The following SQOR variants were observed in gnomAD, a reference collection of about 807,000 sequenced individuals.
SQOR encodes sulfide quinone oxidoreductase.
A neutral mutation model predicts 48.6 loss-of-function variants in SQOR; 39 were observed. The ratio of observed to expected loss-of-function variants is 0.80; its 90% confidence interval spans 0.62 to 1.05. The LOEUF is 1.05. SQOR is among the 50% of genes least tolerant of loss of function. The probability of loss-of-function intolerance (pLI) is 0.00; values close to 1 mark genes in which losing one functional copy is unlikely to be tolerated. For synonymous variants in SQOR, 220 were observed against 206.2 expected (o/e 1.07, Z -0.57); for missense variants, 561 against 559.9 (o/e 1.00, Z -0.02).
intron 1 of SQOR, among the ~76,000 whole-genome samples, chr15:45,651,406 G>GC (rs926459719): frequency 6.6e-6 from 1 of 152,214 alleles, no homozygotes; most frequent in African/African-American, 2.4e-5. Flanking sequence ...CTCCCTGCAA[G>GC]CAGAGGGAGC....
intron 3 of SQOR, among the ~76,000 whole-genome samples, chr15:45,665,523 CA>C (rs981515922): frequency 2.4e-4 from 26 of 107,256 alleles, no homozygotes; most frequent in African/African-American, 6.8e-4. Flanking sequence ...TTAGATTGCA[CA>C]AAATTAGTCA....
At chr15:45,632,955 A>AT (rs1473098510), upstream of SQOR, among the ~76,000 whole-genome samples, 1 of 151,072 alleles carries the variant, frequency 6.6e-6, no homozygotes, top group African/African-American at 2.4e-5. Context: ...AAAAAAAAAT[A>AT]AATAAATTTA....
intron 1 of SQOR, among the ~76,000 whole-genome samples, chr15:45,653,354 TC>T (rs1566916489): frequency 6.6e-6 from 1 of 152,108 alleles, no homozygotes; most frequent in Admixed American, 6.5e-5. Context: ...GGTTCTATAA[TC>T]AGCTAGAACT....
At chr15:45,664,682 G>A (rs1473373212) in intron 3 of SQOR, among the ~76,000 whole-genome samples, 1 of 152,094 alleles carries the variant, frequency 6.6e-6, no homozygotes, top group Non-Finnish European at 1.5e-5. Flanking sequence ...GATTCATGCT[G>A]GGCTTGAGGT....
intron 3 of SQOR, among the ~76,000 whole-genome samples, chr15:45,663,322 G>A (rs936516051): frequency 6.6e-6 from 1 of 152,098 alleles, no homozygotes; most frequent in Non-Finnish European, 1.5e-5. Context: ...CCGGCCTGCT[G>A]AGGCATTGTT....
chr15:45,661,610 T>C lies in SQOR; in HGVS notation c.235-345T>C, dbSNP rs938729689. Among the ~76,000 whole-genome samples the C allele has an allele frequency of 3.9e-5, 6 of 152,324 alleles. No individual in the cohort carries two copies. The East Asian group carries it at 1.2e-3, about 29-fold the overall frequency. On this transcript the variant is annotated intron_variant, in intron 2 of 9. Coordinates refer to ENST00000260324, the MANE Select transcript of SQOR (RefSeq NM_021199.4). ...CTGGGCTTAATTTTTAAAATATTTG[T>C]TCACATGAAGTATCCATAATATGTG...
At chr15:45,665,506 A>G (rs546595117) in intron 3 of SQOR, among the ~76,000 whole-genome samples, 1 of 149,090 alleles carries the variant, frequency 6.7e-6, no homozygotes, top group African/African-American at 2.4e-5. Flanking sequence ...GTCACTAGAG[A>G]GCTTTTTTAG....
At chr15:45,676,039 TA>T (rs199639985) in intron 5 of SQOR, 61 bp from the exon 6 acceptor site, 108,863 of 1,124,680 alleles carry the variant, frequency 0.097, no homozygotes, top group Non-Finnish European at 0.1. Context: ...TTGTCTGGAT[TA>T]AAAAAAAAAA....
chr15:45,688,942 A>G, intron 8 of SQOR, 97 bp from the exon 9 acceptor site: 3 of 996,116 alleles, frequency 3.0e-6, no homozygotes, highest in Non-Finnish European at 4.3e-6. Context: ...AAAAGAAAAA[A>G]TATATAAGCA....
Position 45,673,475 on chromosome 15 carries a change from C to T in SQOR, c.460-132C>T. ...CTTAGAACCCTCACCCACCTGCCTG[C>T]TCTAGGCATGTGGGTATTGGAGGGT... On this transcript the variant is annotated intron_variant, in intron 4 of 9. Transcript: ENST00000260324. The T allele has an allele frequency of 1.9e-5, 19 of 984,962 alleles. No individual in the cohort carries two copies. The South Asian group carries it at 2.9e-4, about 15-fold the overall frequency. The allele number at this position is 984,962 out of a possible 1,614,324, so 61.0% of individuals were successfully genotyped here.
chr15:45,681,621 C>T lies in SQOR; in HGVS notation c.865-857C>T, dbSNP rs371381447. 2.0e-5 allele frequency among the ~76,000 whole-genome samples: 3 copies of T among 152,234 alleles called. No individual in the cohort carries two copies. In the South Asian group the frequency reaches 6.2e-4, roughly 32 times the overall value. On this transcript the variant is annotated intron_variant, in intron 6 of 9. Transcript: ENST00000260324. ...TTTTACCCTAATGACATGTCGTGAA[C>T]ATTTCAATCAATGTGTCCTTAACTG...
At chr15:45,673,875 T>C (rs1357756614) in intron 5 of SQOR, 74 bp downstream of exon 5, 1 of 1,452,398 alleles carries the variant, frequency 6.9e-7, no homozygotes, top group Non-Finnish European at 9.5e-7. Context: ...AATTCCATTT[T>C]ATCTCTATTG....
At chr15:45,657,598 G>A (rs1196938627) in intron 1 of SQOR, among the ~76,000 whole-genome samples, 2 of 152,036 alleles carry the variant, frequency 1.3e-5, no homozygotes, top group East Asian at 3.9e-4. Flanking sequence ...CAAAACTCTG[G>A]AATTAAGTTA....
intron 5 of SQOR, among the ~76,000 whole-genome samples, chr15:45,674,534 A>G (rs1890002190): frequency 6.6e-6 from 1 of 152,110 alleles, no homozygotes; most frequent in Non-Finnish European, 1.5e-5. Context: ...GTTCATTTTT[A>G]TCCATAATGC....
chr15:45,661,972 A>C lies in SQOR; in HGVS notation c.252A>C (p.Pro84=). The C allele has an allele frequency of 1.9e-6, 3 of 1,614,094 alleles. No individual in the cohort carries two copies. In the South Asian group the frequency reaches 3.3e-5, roughly 18 times the overall value. The part of the protein sequence containing the change: ...VEPSERHFYQ[P]IWTLVGAGAK... ...TTTCTCAGAGACATTTCTACCAGCCAATCTGGACACTGGTGGGTGCTGGTG... is the reference window on the plus strand; with the variant it reads ...TTTCTCAGAGACATTTCTACCAGCCCATCTGGACACTGGTGGGTGCTGGTG... The change falls in exon 3 of 10, where the codon CCA becomes CCC. Residue 84 remains proline (P), a synonymous_variant. Transcript: ENST00000260324.
intron 9 of SQOR, among the ~76,000 whole-genome samples, chr15:45,689,713 C>T (rs1437270081): frequency 1.3e-5 from 2 of 152,186 alleles, no homozygotes; most frequent in Admixed American, 6.5e-5. Flanking sequence ...AGCCACCGCT[C>T]CTGGCCCCTT....
intron 3 of SQOR, among the ~76,000 whole-genome samples, chr15:45,667,941 C>CTTTTTTTTTTTTT (rs1204451548): frequency 4.5e-4 from 46 of 103,264 alleles, no homozygotes; most frequent in Non-Finnish European, 5.9e-4. Flanking sequence ...TTCTTTCTTT[C>CTTTTTTTTTTTTT]TTTTTTTTTT....
chr15:45,653,005 A>G (rs1191381474), intron 1 of SQOR, among the ~76,000 whole-genome samples: 1 of 152,028 alleles, frequency 6.6e-6, no homozygotes, highest in East Asian at 1.9e-4. Flanking sequence ...GCTTCCTTCA[A>G]TTTTATCTTT....
chr15:45,636,682 A>G (rs1895012700), intron 1 of SQOR, among the ~76,000 whole-genome samples: 1 of 152,180 alleles, frequency 6.6e-6, no homozygotes, highest in Non-Finnish European at 1.5e-5. Flanking sequence ...GATTACAGGC[A>G]TGAGCCACTG....
Sources: allele counts gnomAD v4.1 joint callset (sites outside exome capture counted in the v4.1 genomes callset), GRCh38; gene constraint gnomAD v4.1.1; transcripts MANE v1.5; gene names NCBI Gene and HGNC (gene_info 2026-07-23, HGNC 2026-07-21).